SMC5: variants seen among roughly 807,000 people sequenced by gnomAD.
SMC5 encodes the protein structural maintenance of chromosomes protein 5.
SMC5 carries 88 observed loss-of-function variants against 148.3 expected under a neutral mutation model. The ratio of observed to expected loss-of-function variants is 0.59; its 90% CI spans 0.50 to 0.71. The LOEUF is 0.71. SMC5 is among the 30% of genes least tolerant of loss of function. The pLI, the probability that SMC5 is intolerant of heterozygous loss-of-function variation, is 0.00. For missense variants in SMC5, 1,142 were observed against 1,298.9 expected (o/e 0.88, Z 1.86); for synonymous variants, 421 against 432.8 (o/e 0.97, Z 0.34).
rs373041324 is a variant in SMC5, at chr9:70,281,193, C to T, written c.819+294C>T. ...TTGGGATTATAGGCATGTGCCACCA[C>T]ACCTGGCCAACTTTTTTTTTGTATT... is the stretch of plus-strand genomic sequence containing the variant. On this transcript the variant is annotated intron_variant, in intron 6 of 24. Transcript: ENST00000361138. Among the ~76,000 whole-genome samples, 169 of 152,146 alleles carry T rather than the reference C, an allele frequency of 1.1e-3. 4 individuals carry two copies. The South Asian group carries it at 0.034, about 30-fold the overall frequency.
intron 10 of SMC5, among the ~76,000 whole-genome samples, chr9:70,303,924 A>G (rs996703515): frequency 1.3e-5 from 2 of 152,158 alleles, no homozygotes; most frequent in Non-Finnish European, 1.5e-5. Flanking sequence ...TTTTATATTT[A>G]TACGCTTCTC....
chr9:70,328,529 A>T (rs2118691692), intron 17 of SMC5, among the ~76,000 whole-genome samples: 1 of 152,340 alleles, frequency 6.6e-6, no homozygotes, highest in East Asian at 1.9e-4. Flanking sequence ...TCAAGGCCAC[A>T]CTGATGCAAG....
chr9:70,345,037 GA>G (rs368179317), intron 18 of SMC5, among the ~76,000 whole-genome samples: 110 of 152,190 alleles, frequency 7.2e-4, no homozygotes, highest in African/African-American at 2.6e-3. Flanking sequence ...AAATCACAGA[GA>G]ATGGATTCGA....
At chr9:70,319,101 AAC>A in intron 15 of SMC5, 138 bp downstream of exon 15, 1 of 795,656 alleles carries the variant, frequency 1.3e-6, no homozygotes, top group Non-Finnish European at 1.8e-6. Context: ...TACTGCATAA[AAC>A]ACAATTTTAT....
intron 17 of SMC5, among the ~76,000 whole-genome samples, chr9:70,332,906 G>A (rs911824738): frequency 6.6e-6 from 1 of 152,006 alleles, no homozygotes; most frequent in African/African-American, 2.4e-5. Context: ...AAAACTTCTT[G>A]CAACTGGGAA....
chr9:70,319,184 T>C (rs2035886716), intron 15 of SMC5, among the ~76,000 whole-genome samples: 1 of 152,206 alleles, frequency 6.6e-6, no homozygotes, highest in Admixed American at 6.5e-5. Context: ...TGGACTCCTT[T>C]ATATGCTTAA....
At chr9:70,311,062 A>C (rs2035643588) in intron 11 of SMC5, 1 of 152,196 alleles carries the variant, frequency 6.6e-6, no homozygotes, top group South Asian at 2.1e-4. Flanking sequence ...TTGCTTTCTT[A>C]TTTGTGTGTA....
intron 2 of SMC5, among the ~76,000 whole-genome samples, chr9:70,266,113 A>C (rs970826100): frequency 6.6e-6 from 1 of 152,204 alleles, no homozygotes; most frequent in Admixed American, 6.5e-5. Flanking sequence ...GCAAGTATCA[A>C]AAAATTTCAA....
intron 3 of SMC5, 70 bp downstream of exon 3, chr9:70,268,045 G>C: frequency 8.3e-7 from 1 of 1,205,206 alleles, no homozygotes; most frequent in South Asian, 1.4e-5. Flanking sequence ...TTTTCCTGAT[G>C]ATTAGAAAAG....
rs539604831 is a variant in SMC5, at chr9:70,354,104, T to C, written c.*1773T>C. ...TAATTTCTCTACTGGACAAAATTAA[T>C]ATTTGGCTTTACATTGAATTTTGAG... is the stretch of plus-strand genomic sequence containing the variant. On this transcript the variant is annotated 3_prime_UTR_variant, in exon 25 of 25. Transcript: ENST00000361138. 1.1e-4 allele frequency: 17 copies of C among 152,362 alleles called. No homozygotes were observed. Among genetic ancestry groups the C allele is most frequent in the African/African-American group, 4.1e-4 (17 of 41,596 alleles). 9.4% of individuals were successfully genotyped at this position (152,362 alleles called of 1,614,324 possible).
Position 70,350,483 on chromosome 9 carries a change from G to A in SMC5, c.3165+12G>A. On this transcript the variant is annotated intron_variant, in intron 24 of 24. Transcript: ENST00000361138. ...TCATAACACCAAAGGTAGGTAAAAA[G>A]TAACCTAAAAGTGGTCATATACTCA... 6.4e-7 allele frequency: 1 copy of A among 1,563,334 alleles called. No homozygotes were observed. The highest frequency in any genetic ancestry group is 8.7e-7 in the Non-Finnish European group (1 of 1,153,756).
intron 15 of SMC5, among the ~76,000 whole-genome samples, chr9:70,321,795 T>C (rs943364008): frequency 6.6e-6 from 1 of 152,166 alleles, no homozygotes; most frequent in African/African-American, 2.4e-5. Context: ...AACCAGAATA[T>C]ATAAGGTGGG....
At chr9:70,336,674 G>A (rs1249383829) in intron 17 of SMC5, among the ~76,000 whole-genome samples, 1 of 152,152 alleles carries the variant, frequency 6.6e-6, no homozygotes, top group East Asian at 1.9e-4. Flanking sequence ...GTAAGTAATT[G>A]TAGAGTCCAT....
intron 8 of SMC5, among the ~76,000 whole-genome samples, chr9:70,292,552 T>G (rs1348084678): frequency 1.3e-5 from 2 of 152,178 alleles, no homozygotes; most frequent in Non-Finnish European, 2.9e-5. Context: ...ATAAGAGTGG[T>G]GAACACTGAA....
chr9:70,281,927 G>A (rs2118182385), intron 6 of SMC5, among the ~76,000 whole-genome samples: 1 of 148,896 alleles, frequency 6.7e-6, no homozygotes, highest in East Asian at 2.0e-4. Context: ...CTTATATAAT[G>A]TTGCCTTAGT....
chr9:70,309,605 TAAG>T (rs990248813), intron 11 of SMC5, among the ~76,000 whole-genome samples: 4 of 152,110 alleles, frequency 2.6e-5, no homozygotes, highest in African/African-American at 9.7e-5. Context: ...TGCTCATCCA[TAAG>T]AAGCTACTCC....
intron 17 of SMC5, among the ~76,000 whole-genome samples, chr9:70,328,367 TG>T (rs1434461546): frequency 1.3e-5 from 2 of 152,128 alleles, no homozygotes; most frequent in East Asian, 1.9e-4. Flanking sequence ...CAAGATATAG[TG>T]GGGGCGCAGG....
At chr9:70,297,905 A>G in intron 8 of SMC5, 61 bp from the exon 9 acceptor site, 4 of 1,537,796 alleles carry the variant, frequency 2.6e-6, no homozygotes, top group Non-Finnish European at 3.5e-6. Flanking sequence ...ATATTACTAC[A>G]GAAGTCTTAT....
chr9:70,290,713 G>A (rs907465749), intron 8 of SMC5, among the ~76,000 whole-genome samples: 4 of 151,800 alleles, frequency 2.6e-5, no homozygotes, highest in South Asian at 4.1e-4. Flanking sequence ...ATTTAAAATC[G>A]CTGTTTTAAT....
Sources: gnomAD v4.1 joint callset for allele counts (sites outside exome capture counted in the v4.1 genomes callset) on GRCh38, gnomAD v4.1.1 for gene constraint, MANE v1.5 for transcripts, NCBI Gene and HGNC (gene_info 2026-07-23, HGNC 2026-07-21) for gene names.